The following PYGB variants were observed in gnomAD, a reference collection of about 807,000 sequenced individuals.
PYGB encodes glycogen phosphorylase B.
Under a neutral mutation model 94.3 loss-of-function variants are expected in PYGB, and 82 were observed. That is an observed-to-expected ratio of 0.87 (90% CI 0.73 to 1.04). PYGB has a LOEUF of 1.04. Ranked by LOEUF, PYGB falls within the 50% of genes least tolerant of loss-of-function variation. The pLI, the probability that PYGB is intolerant of heterozygous loss-of-function variation, is 0.00. For missense variants in PYGB, 1,132 were observed against 1,158.2 expected (o/e 0.98, Z 0.33); for synonymous variants, 488 against 479.1 (o/e 1.02, Z -0.24).
rs1297035207 is a variant in PYGB at position 25,256,348 on chromosome 20, T to C, written c.244-2889T>C. On this transcript the variant is annotated intron_variant, in intron 1 of 19. Transcript: ENST00000216962. ...TTGAGCTTTATGTTTTTCTATTATT[T>C]GCCTGGTTGTGTAGGCTTTGCATGT... Among the ~76,000 whole-genome samples the C allele has an allele frequency of 2.6e-5, 4 of 152,108 alleles. No homozygotes were observed. The East Asian group carries it at 5.8e-4, about 22-fold the overall frequency.
At chr20:25,249,588 C>G (rs916729656) in intron 1 of PYGB, among the ~76,000 whole-genome samples, 8 of 152,190 alleles carry the variant, frequency 5.3e-5, no homozygotes, top group African/African-American at 1.9e-4. Flanking sequence ...ATGTTTAATA[C>G]GGTAATTGCT....
At chr20:25,291,016 C>T (rs1405389364) in intron 16 of PYGB, among the ~76,000 whole-genome samples, 1 of 151,580 alleles carries the variant, frequency 6.6e-6, no homozygotes, top group Non-Finnish European at 1.5e-5. Flanking sequence ...GCCCTCTCCT[C>T]CTGCCCCTCA....
intron 4 of PYGB, among the ~76,000 whole-genome samples, chr20:25,272,602 C>T (rs8124539): frequency 0.041 from 6,225 of 152,292 alleles, 143 homozygotes; most frequent in Middle Eastern, 0.075. Flanking sequence ...TGTTTGAAAA[C>T]GCTCATAATA....
chr20:25,276,863 C>T (rs574494822), intron 6 of PYGB, 106 bp downstream of exon 6: 35 of 1,034,422 alleles, frequency 3.4e-5, no homozygotes, highest in South Asian at 1.4e-4. Flanking sequence ...TCCTGGAGGC[C>T]GCGCGGCCCT....
Position 25,281,053 on chromosome 20 carries a change from T to C in PYGB, c.1344T>C (p.Ile448=), listed in dbSNP as rs199586584. 8.7e-6 allele frequency: 14 copies of C among 1,614,184 alleles called. No homozygotes were observed. Among genetic ancestry groups the C allele is most frequent in the Non-Finnish European group, 1.1e-5 (13 of 1,180,024 alleles). The part of the protein sequence containing the change: ...KRINMAHLCV[I]GSHAVNGVAR... Reference sequence around the variant, plus strand: ...TCAACATGGCCCACCTGTGTGTGATTGGGTCCCATGCTGTCAATGGTGTGG... The same window carrying C: ...TCAACATGGCCCACCTGTGTGTGATCGGGTCCCATGCTGTCAATGGTGTGG... The change falls in exon 11 of 20, where the codon ATT becomes ATC. Residue 448 remains isoleucine, a synonymous_variant. Transcript: ENST00000216962.
intron 1 of PYGB, 72 bp from the exon 2 acceptor site, chr20:25,259,165 C>T (rs56219025): frequency 0.078 from 102,141 of 1,302,450 alleles, 4,836 homozygotes; most frequent in Admixed American, 0.14. Context: ...CTTCATGGGT[C>T]GTGTCATCTC....
intron 18 of PYGB, among the ~76,000 whole-genome samples, 156 bp from the exon 19 acceptor site, chr20:25,295,448 T>C (rs772680399): frequency 2.2e-4 from 34 of 152,276 alleles, no homozygotes; most frequent in Non-Finnish European, 3.8e-4. Flanking sequence ...ATGGGCCTGG[T>C]GCAGCCTGGC....
chr20:25,273,059 A>C (rs2088280986), intron 4 of PYGB, among the ~76,000 whole-genome samples: 3 of 152,158 alleles, frequency 2.0e-5, no homozygotes, highest in African/African-American at 7.2e-5. Flanking sequence ...AACTGTTCAG[A>C]TTCAGTGGGT....
At chr20:25,269,263 C>T in intron 3 of PYGB, 56 bp downstream of exon 3, 1 of 1,441,000 alleles carries the variant, frequency 6.9e-7, no homozygotes, top group Non-Finnish European at 9.6e-7. Context: ...GGTTGGAGGC[C>T]ACGTGGTGAG....
chr20:25,254,798 CT>C (rs1321032009), intron 1 of PYGB, among the ~76,000 whole-genome samples: 1 of 152,168 alleles, frequency 6.6e-6, no homozygotes, highest in Non-Finnish European at 1.5e-5. Context: ...ACTGAATAGA[CT>C]TTTTGTGGAG....
chr20:25,276,965 C>A (rs373437860), intron 6 of PYGB, among the ~76,000 whole-genome samples: 1 of 152,082 alleles, frequency 6.6e-6, no homozygotes, highest in Non-Finnish European at 1.5e-5. Context: ...ACAGGCAGAG[C>A]GACCAAGACA....
chr20:25,261,357 C>T (rs1041237850), intron 2 of PYGB, among the ~76,000 whole-genome samples: 27 of 152,282 alleles, frequency 1.8e-4, no homozygotes, highest in African/African-American at 6.3e-4. Flanking sequence ...GCTGGTGATA[C>T]CCAGGCAAAC....
chr20:25,294,962 G>A, intron 18 of PYGB: 1 of 1,614,100 alleles, frequency 6.2e-7, no homozygotes, highest in Non-Finnish European at 8.5e-7. Flanking sequence ...CGTGTCACCT[G>A]TTGGCTTCAG....
In PYGB at chr20:25,287,272, G is replaced by A. The variant is rs150923710; in HGVS notation, c.1769-1153G>A. Among the ~76,000 whole-genome samples the A allele has an allele frequency of 1.3e-3, 199 of 152,342 alleles. 3 individuals carry two copies. The East Asian group carries it at 0.018, about 14-fold the overall frequency. On this transcript the variant is annotated intron_variant, in intron 14 of 19. Coordinates refer to ENST00000216962, the MANE Select transcript of PYGB (RefSeq NM_002862.4). ...GGGGAGACACAAGGTCTCACCCAGC[G>A]CCCCTGCAGGCTGATGGCACCACAG...
intron 15 of PYGB, chr20:25,289,856 CA>C (rs773913357): frequency 1.9e-6 from 1 of 533,432 alleles, no homozygotes; most frequent in South Asian, 1.4e-5. Context: ...ACTGAAACAT[CA>C]CCACACAGTA....
Position 25,295,880 on chromosome 20 carries a change from A to G in PYGB, c.2379+210A>G, listed in dbSNP as rs546452933. Among the ~76,000 whole-genome samples, 4 of 152,306 alleles carry G rather than the reference A, an allele frequency of 2.6e-5. No homozygotes were observed. In the East Asian group the frequency reaches 7.7e-4, roughly 29 times the overall value. On this transcript the variant is annotated intron_variant, in intron 19 of 19. Transcript: ENST00000216962. ...CCTCCGTTGAAAAAAACAGCTCCTA[A>G]TGGCCAAGAAAGGAATGTGCGGCCT...
chr20:25,296,340 CAG>C, intron 19 of PYGB, 28 bp from the exon 20 acceptor site: 1 of 1,613,438 alleles, frequency 6.2e-7, no homozygotes, highest in South Asian at 1.1e-5. Flanking sequence ...CCTGTGACGC[CAG>C]AGACTAATTT....
Position 25,281,069 on chromosome 20 carries a change from A to G in PYGB, c.1360A>G (p.Asn454Asp), listed in dbSNP as rs1215516654. ...HLCVIGSHAV[N>D]GVARIHSEIV... is the part of the protein sequence containing the mutation. ...GTGTGTGATTGGGTCCCATGCTGTC[A>G]ATGGTGTGGCGAGGATCCACTCGGA... Residue 454 changes from asparagine to aspartate, a missense_variant, in exon 11 of 20, where the codon AAT (asparagine) becomes GAT (aspartate). By Grantham distance (23) the Asn-to-Asp change is conservative. Coordinates refer to ENST00000216962, the MANE Select transcript of PYGB (RefSeq NM_002862.4). 1.2e-6 allele frequency: 2 copies of G among 1,614,156 alleles called. No homozygotes were observed. Among genetic ancestry groups the G allele is most frequent in the Non-Finnish European group, 1.7e-6 (2 of 1,180,018 alleles).
chr20:25,265,460 A>G (rs544194885), intron 2 of PYGB, among the ~76,000 whole-genome samples: 39 of 152,210 alleles, frequency 2.6e-4, no homozygotes, highest in Non-Finnish European at 4.3e-4. Context: ...TTTTATTTGC[A>G]TGTTCCTGAT....
Sources: allele counts gnomAD v4.1 joint callset (sites outside exome capture counted in the v4.1 genomes callset), GRCh38; gene constraint gnomAD v4.1.1; transcripts MANE v1.5; gene names NCBI Gene and HGNC (gene_info 2026-07-23, HGNC 2026-07-21).